PPFIA2: variants seen among roughly 807,000 people sequenced by gnomAD.
PPFIA2 encodes the protein liprin-alpha-2.
A neutral mutation model predicts 175.5 loss-of-function variants in PPFIA2; 46 were observed. The observed-to-expected ratio is 0.26, with a 90% confidence interval of 0.21 to 0.34. PPFIA2 has a LOEUF of 0.34. PPFIA2 is among the 10% of genes least tolerant of loss of function. The pLI is 1.00. For missense variants in PPFIA2, 1,179 were observed against 1,506.1 expected (o/e 0.78, Z 3.60); for synonymous variants, 568 against 511.4 (o/e 1.11, Z -1.49).
chr12:81,261,274 C>G (rs1462425837), intron 32 of PPFIA2: 2 of 152,130 alleles, frequency 1.3e-5, no homozygotes, highest in Non-Finnish European at 2.9e-5. Flanking sequence ...AGCTTGAGTG[C>G]AGTGGCACCA....
chr12:81,344,588 A>C (rs1479947145), intron 19 of PPFIA2, 76 bp downstream of exon 19: 1 of 1,051,856 alleles, frequency 9.5e-7, no homozygotes, highest in Admixed American at 2.5e-5. Flanking sequence ...ATTCGACTAG[A>C]GGGAATATTA....
At chr12:81,458,921 A>G (rs1263734062) in intron 4 of PPFIA2, among the ~76,000 whole-genome samples, 2 of 152,170 alleles carry the variant, frequency 1.3e-5, no homozygotes, top group Non-Finnish European at 2.9e-5. Context: ...TCAGAAGATT[A>G]AAAAACATAA....
chr12:81,316,441 A>T (rs2052369200), intron 22 of PPFIA2, among the ~76,000 whole-genome samples: 1 of 151,546 alleles, frequency 6.6e-6, no homozygotes, highest in African/African-American at 2.4e-5. Flanking sequence ...TTGCTATTAG[A>T]CACTCTCTTG....
chr12:81,522,713 C>T (rs1470865767), intron 4 of PPFIA2, among the ~76,000 whole-genome samples: 1 of 152,154 alleles, frequency 6.6e-6, no homozygotes, highest in Non-Finnish European at 1.5e-5. Context: ...CTCAGAAGCC[C>T]TTTTCCATGA....
intron 28 of PPFIA2, among the ~76,000 whole-genome samples, chr12:81,272,254 T>C (rs1299390211): frequency 1.3e-5 from 2 of 152,190 alleles, no homozygotes; most frequent in African/African-American, 4.8e-5. Flanking sequence ...ACCTTGAGTC[T>C]GTGGTTTATC....
At position 81,325,808 on chromosome 12, in the gene PPFIA2, G is replaced by C; in HGVS notation, c.2611C>G (p.Gln871Glu). The C allele has an allele frequency of 1.9e-6, 3 of 1,612,700 alleles. No individual in the cohort carries two copies. The highest frequency in any genetic ancestry group is 2.5e-6 in the Non-Finnish European group (3 of 1,179,028). Residue 871 changes from glutamine to glutamate, a missense_variant, in exon 22 of 33, where the codon CAA becomes GAA. Coordinates refer to ENST00000549396, the MANE Select transcript of PPFIA2 (RefSeq NM_003625.5). ...ESLGLGKLGT[Q>E]AEKDRRLKKK... ...TTTAGTCTTCGATCCTTCTCAGCTT[G>C]AGTTCCGAGTTTGCCTAACCCCAGG... is the stretch of plus-strand genomic sequence containing the variant.
At chr12:81,380,537 GAA>G (rs5799525) in intron 9 of PPFIA2, among the ~76,000 whole-genome samples, 1 of 150,954 alleles carries the variant, frequency 6.6e-6, no homozygotes, top group Non-Finnish European at 1.5e-5. Context: ...CCTGCTTATT[GAA>G]AAAAAAAGAT....
chr12:81,582,805 T>C (rs1448634236), intron 4 of PPFIA2, among the ~76,000 whole-genome samples: 1 of 151,886 alleles, frequency 6.6e-6, no homozygotes, highest in Admixed American at 6.6e-5. Flanking sequence ...GTGTCACATA[T>C]GATGAAATGT....
At chr12:81,468,082 C>A (rs1287355864) in intron 4 of PPFIA2, among the ~76,000 whole-genome samples, 1 of 152,146 alleles carries the variant, frequency 6.6e-6, no homozygotes, top group Admixed American at 6.5e-5. Flanking sequence ...ATCTCCCCTT[C>A]ATTTTTCTCC....
intron 3 of PPFIA2, among the ~76,000 whole-genome samples, chr12:81,712,754 T>C (rs1037656771): frequency 6.3e-5 from 9 of 141,980 alleles, no homozygotes; most frequent in African/African-American, 2.3e-4. Flanking sequence ...GGGACATCAC[T>C]TTTTTTTTTT....
At position 81,736,945 on chromosome 12, in the gene PPFIA2, T is replaced by C. The variant is rs2081656047; in HGVS notation, c.249+17028A>G. On this transcript the variant is annotated intron_variant, in intron 3 of 32. Coordinates refer to ENST00000549396, the MANE Select transcript of PPFIA2 (RefSeq NM_003625.5). ...AATTTGTAGAGAAGGGGGTCTCACT[T>C]TGTTGCCCATGCTGGTATCAGGCTA... 2.0e-5 allele frequency among the ~76,000 whole-genome samples: 3 copies of C among 152,032 alleles called. No homozygotes were observed. In the South Asian group the frequency reaches 6.2e-4, roughly 32 times the overall value.
chr12:81,282,929 T>C, intron 26 of PPFIA2, 81 bp downstream of exon 26: 1 of 1,258,126 alleles, frequency 7.9e-7, no homozygotes, highest in Non-Finnish European at 1.2e-6. Context: ...TACAATATTA[T>C]GACTTATGAC....
At chr12:81,756,639 C>T (rs1242819594) in intron 2 of PPFIA2, among the ~76,000 whole-genome samples, 4 of 151,870 alleles carry the variant, frequency 2.6e-5, no homozygotes, top group Admixed American at 2.0e-4. Context: ...TTAGTTCTCT[C>T]TTTCATGAAA....
intron 4 of PPFIA2, among the ~76,000 whole-genome samples, chr12:81,564,354 G>A (rs2070847591): frequency 6.6e-6 from 1 of 152,176 alleles, no homozygotes; most frequent in Non-Finnish European, 1.5e-5. Context: ...TGCTCTGGGA[G>A]ACACTTGCAC....
intron 8 of PPFIA2, among the ~76,000 whole-genome samples, chr12:81,395,116 A>C (rs1004390346): frequency 6.6e-6 from 1 of 152,064 alleles, no homozygotes; most frequent in Non-Finnish European, 1.5e-5. Flanking sequence ...CTTAGAACTA[A>C]TAGTTTTGCA....
intron 4 of PPFIA2, among the ~76,000 whole-genome samples, chr12:81,559,330 G>A (rs1212625155): frequency 1.3e-5 from 2 of 152,196 alleles, no homozygotes; most frequent in Admixed American, 6.5e-5. Context: ...ATGTGTGTGT[G>A]TGCACATATA....
intron 3 of PPFIA2, among the ~76,000 whole-genome samples, chr12:81,721,869 A>G (rs2079393505): frequency 6.6e-6 from 1 of 151,126 alleles, no homozygotes. Flanking sequence ...TAATAATAAC[A>G]TCAACCTCAG....
At chr12:81,485,891 T>C (rs942633521) in intron 4 of PPFIA2, among the ~76,000 whole-genome samples, 18 of 151,932 alleles carry the variant, frequency 1.2e-4, no homozygotes, top group Non-Finnish European at 2.5e-4. Context: ...CTTGGCAAGT[T>C]CCATTAAAAC....
At chr12:81,385,900 T>C (rs2142047341) in intron 8 of PPFIA2, among the ~76,000 whole-genome samples, 1 of 152,268 alleles carries the variant, frequency 6.6e-6, no homozygotes, top group Admixed American at 6.5e-5. Context: ...TATATTAACT[T>C]GATTGAATCA....
Sources: allele counts gnomAD v4.1 joint callset (sites outside exome capture counted in the v4.1 genomes callset), GRCh38; gene constraint gnomAD v4.1.1; transcripts MANE v1.5; gene names NCBI Gene and HGNC (gene_info 2026-07-23, HGNC 2026-07-21).